Variants in KDM3B observed in about 807,000 individuals in gnomAD.
The protein encoded by KDM3B is lysine-specific demethylase 3B.
In KDM3B, 10 loss-of-function variants were observed where a neutral mutation model predicts 170.0. The ratio of observed to expected loss-of-function variants is 0.06; its 90% CI spans 0.04 to 0.10. KDM3B has a LOEUF of 0.10. Among genes scored for constraint, KDM3B ranks in the 10% least tolerant of loss-of-function variants. KDM3B has a pLI of 1.00. For missense variants in KDM3B, 1,394 were observed against 2,195.2 expected, an observed-to-expected ratio of 0.64 and a Z score of 7.29; for synonymous variants, 831 against 834.8, an observed-to-expected ratio of 1.00 and a Z score of 0.08.
intron 1 of KDM3B, among the ~76,000 whole-genome samples, chr5:138,360,293 A>G (rs1488287866): frequency 1.3e-5 from 2 of 152,178 alleles, no homozygotes; most frequent in Admixed American, 1.3e-4. Flanking sequence ...TTATTAATGT[A>G]AATAGAATAT....
rs1224347256 is a variant in KDM3B, at chr5:138,393,346, A to G, written c.2805A>G (p.Val935=). The part of the protein sequence containing the change: ...FKEQEQDDST[V]ACRFFHFRRL... Reference sequence around the variant, plus strand: ...AACAGGAGCAAGATGATTCTACTGTAGCCTGCCGTTTCTTTCACTTCCGGA... The same window carrying G: ...AACAGGAGCAAGATGATTCTACTGTGGCCTGCCGTTTCTTTCACTTCCGGA... Residue 935 remains valine (V), a synonymous_variant, in exon 9 of 24, where the codon GTA becomes GTG. Coordinates refer to ENST00000314358, the MANE Select transcript of KDM3B (RefSeq NM_016604.4). 1 of 1,613,960 alleles carries G rather than the reference A, an allele frequency of 6.2e-7. No homozygotes were observed. Among genetic ancestry groups the G allele is most frequent in the Non-Finnish European group, 8.5e-7 (1 of 1,180,000 alleles).
intron 11 of KDM3B, among the ~76,000 whole-genome samples, chr5:138,409,605 A>G (rs1018228889): frequency 6.6e-6 from 1 of 152,178 alleles, no homozygotes; most frequent in South Asian, 2.1e-4. Context: ...GAAGAGATAT[A>G]CCATATTTGT....
chr5:138,393,384 C>G lies in KDM3B; in HGVS notation c.2831+12C>G. 5.6e-6 allele frequency: 9 copies of G among 1,607,158 alleles called. No individual in the cohort carries two copies. The highest frequency in any genetic ancestry group is 6.8e-6 in the Non-Finnish European group (8 of 1,174,766). On this transcript the variant is annotated intron_variant, in intron 9 of 23. Transcript: ENST00000314358. ...TTTCACTTCCGGAGGTACCCAAACT[C>G]CTGTTTTCCTCCTTTGCTAGTTTTC...
At chr5:138,370,326 C>G (rs1307727901) in intron 1 of KDM3B, among the ~76,000 whole-genome samples, 2 of 152,094 alleles carry the variant, frequency 1.3e-5, no homozygotes, top group Non-Finnish European at 2.9e-5. Context: ...ATGAATTTAA[C>G]TTCTGGGATA....
intron 9 of KDM3B, among the ~76,000 whole-genome samples, chr5:138,394,223 A>G (rs1057226770): frequency 6.6e-6 from 1 of 152,054 alleles, no homozygotes; most frequent in Non-Finnish European, 1.5e-5. Flanking sequence ...AAATTTTAAA[A>G]ATTAGCCGAG....
chr5:138,416,570 T>TA (rs1477970282), intron 12 of KDM3B, among the ~76,000 whole-genome samples: 13 of 128,816 alleles, frequency 1.0e-4, no homozygotes, highest in Non-Finnish European at 1.9e-4. Context: ...GCCTAGGCGA[T>TA]ACGGTGAGAC....
chr5:138,429,108 TTTTG>T (rs1162946628), intron 20 of KDM3B, among the ~76,000 whole-genome samples: 1 of 151,870 alleles, frequency 6.6e-6, no homozygotes, highest in African/African-American at 2.4e-5. Flanking sequence ...TCTTTTCTTT[TTTTG>T]TTTTTTTATT....
rs1296823322 is a variant in KDM3B at position 138,377,768 on chromosome 5, A to G, written c.523A>G (p.Arg175Gly). Reference protein sequence around the residue: ...NQILLEHAALRETVNALISDQ... With the variant: ...NQILLEHAALGETVNALISDQ... Reference sequence around the variant, plus strand: ...GATTCTTTTGGAACATGCTGCACTGAGAGAAACAGTTAATGCTTTGATCAG... The same window carrying G: ...GATTCTTTTGGAACATGCTGCACTGGGAGAAACAGTTAATGCTTTGATCAG... Residue 175 changes from arginine to glycine, a missense_variant, in exon 4 of 24, where the codon AGA becomes GGA. Around this residue, in one of 19 missense-constraint regions of KDM3B, gnomAD observed 166 missense variants for 216.4 expected, o/e 0.77. Coordinates refer to ENST00000314358, the MANE Select transcript of KDM3B (RefSeq NM_016604.4). The G allele has an allele frequency of 3.1e-6, 5 of 1,613,966 alleles. No homozygotes were observed. The highest frequency in any genetic ancestry group is 1.1e-5 in the South Asian group (1 of 91,088).
At chr5:138,430,052 TC>T in intron 21 of KDM3B, 87 bp downstream of exon 21, 1 of 1,530,278 alleles carries the variant, frequency 6.5e-7, no homozygotes, top group South Asian at 1.2e-5. Context: ...TCATGTAGAG[TC>T]CCTTGGCATT....
intron 11 of KDM3B, among the ~76,000 whole-genome samples, chr5:138,410,394 A>G (rs1052718940): frequency 1.3e-5 from 2 of 152,216 alleles, no homozygotes; most frequent in Non-Finnish European, 2.9e-5. Flanking sequence ...CCACACATAC[A>G]TAATCAATTA....
chr5:138,393,431 C>G (rs1440677232), intron 9 of KDM3B, 59 bp downstream of exon 9: 1 of 1,348,062 alleles, frequency 7.4e-7, no homozygotes, highest in African/African-American at 1.5e-5. Flanking sequence ...ATAACTTCCA[C>G]TCTTTCTCTG....
chr5:138,397,137 T>A (rs1047936408), intron 9 of KDM3B, among the ~76,000 whole-genome samples: 1 of 151,942 alleles, frequency 6.6e-6, no homozygotes, highest in East Asian at 1.9e-4. Flanking sequence ...GAGACCATCC[T>A]GGCTTAACAT....
chr5:138,356,894 G>A (rs916895004), intron 1 of KDM3B, among the ~76,000 whole-genome samples: 2 of 151,948 alleles, frequency 1.3e-5, no homozygotes, highest in East Asian at 1.9e-4. Flanking sequence ...TGTGCCCACC[G>A]CGACCTCCCA....
intron 21 of KDM3B, 76 bp downstream of exon 21, chr5:138,430,041 C>T (rs1224050512): frequency 6.4e-7 from 1 of 1,569,082 alleles, no homozygotes; most frequent in Non-Finnish European, 8.7e-7. Flanking sequence ...TCTAGGGTTT[C>T]TCATGTAGAG....
chr5:138,355,759 TG>T (rs1317778029), intron 1 of KDM3B, among the ~76,000 whole-genome samples: 1 of 152,198 alleles, frequency 6.6e-6, no homozygotes, highest in Admixed American at 6.5e-5. Flanking sequence ...GTCACGTATA[TG>T]GGTATTGTAG....
Position 138,352,925 on chromosome 5 carries a change from A to C in KDM3B, c.130A>C (p.Thr44Pro). ...ASGDPGPALRTRAWRAGTVRA... is the reference protein window; with the variant it reads ...ASGDPGPALRPRAWRAGTVRA... ...CGGAGATCCGGGGCCTGCGCTGCGC[A>C]CTCGAGCCTGGCGGGCCGGCACGGT... The change falls in exon 1 of 24, where the codon ACT becomes CCT. Residue 44 changes from threonine to proline, a missense_variant. By Grantham distance (38) the Thr-to-Pro change is conservative (BLOSUM62 -1). This residue lies in a region of KDM3B where 99 missense variants were observed against 97.5 expected (regional missense o/e 1.02). Transcript: ENST00000314358. 1.5e-6 allele frequency: 2 copies of C among 1,331,880 alleles called. No homozygotes were observed. Among genetic ancestry groups the C allele is most frequent in the Non-Finnish European group, 1.9e-6 (2 of 1,042,070 alleles). 82.5% of individuals were successfully genotyped at this position (1,331,880 alleles called of 1,614,324 possible).
Position 138,426,874 on chromosome 5 carries a change from AAAAAAAG to A in KDM3B, c.4412-94_4412-88del, listed in dbSNP as rs369823964. 2.9e-4 allele frequency: 220 copies of A among 748,598 alleles called. 25 individuals carry two copies. The highest frequency in any genetic ancestry group is 3.9e-4 in the Middle Eastern group (1 of 2,534). The allele number at this position is 748,598 out of a possible 1,614,324, so 46.4% of individuals were successfully genotyped here. ...CAAGACTCTGTCTCAAAAAAAAAAA[AAAAAAAG>A]AAAAAAAAGAGATTAGTCTCCCAAA... On this transcript the variant is annotated intron_variant, in intron 17 of 23. Coordinates refer to ENST00000314358, the MANE Select transcript of KDM3B (RefSeq NM_016604.4).
chr5:138,419,331 A>C, intron 14 of KDM3B, 99 bp downstream of exon 14: 3 of 1,346,708 alleles, frequency 2.2e-6, no homozygotes, highest in Non-Finnish European at 3.0e-6. Context: ...TTTATGAAAC[A>C]TGCTACTTAC....
At chr5:138,424,556 G>A (rs945623974) in intron 16 of KDM3B, among the ~76,000 whole-genome samples, 3 of 152,184 alleles carry the variant, frequency 2.0e-5, no homozygotes, top group Non-Finnish European at 4.4e-5. Context: ...GGGAGGCCAA[G>A]GCAGGCGCAT....
Sources: allele counts gnomAD v4.1 joint callset (sites outside exome capture counted in the v4.1 genomes callset), GRCh38; gene constraint gnomAD v4.1.1; regional missense constraint gnomAD v4.1.1; transcripts MANE v1.5; gene names NCBI Gene and HGNC (gene_info 2026-07-23, HGNC 2026-07-21).